UTRN: variants seen among roughly 807,000 people sequenced by gnomAD.
UTRN encodes the protein utrophin.
In UTRN, 283 loss-of-function variants were observed where a neutral mutation model predicts 463.9. The ratio of observed to expected loss-of-function variants is 0.61; its 90% CI spans 0.55 to 0.67. UTRN has a LOEUF of 0.67. Among genes scored for constraint, UTRN ranks in the 30% least tolerant of loss-of-function variants. The pLI is 0.00. For missense variants in UTRN, 3,922 were observed against 4,084.3 expected (o/e 0.96, Z 1.08); for synonymous variants, 1,442 against 1,431.5 (o/e 1.01, Z -0.17).
intron 35 of UTRN, among the ~76,000 whole-genome samples, chr6:144,512,674 G>T (rs576871786): frequency 6.6e-6 from 1 of 151,696 alleles, no homozygotes; most frequent in Non-Finnish European, 1.5e-5. Flanking sequence ...GAGAGTAGCT[G>T]GGACTACAGG....
At chr6:144,578,938 T>TA (rs1271631050) in intron 51 of UTRN, among the ~76,000 whole-genome samples, 2 of 152,244 alleles carry the variant, frequency 1.3e-5, no homozygotes, top group African/African-American at 4.8e-5. Flanking sequence ...CTCTGATTCT[T>TA]ACAATTGTTC....
rs578141548 is a variant in UTRN at position 144,650,636 on chromosome 6, C to T, written c.7480-27770C>T. Among the ~76,000 whole-genome samples the T allele has an allele frequency of 5.9e-4, 90 of 152,272 alleles. 1 individual carries two copies. The South Asian group carries it at 0.017, about 29-fold the overall frequency. On this transcript the variant is annotated intron_variant, in intron 51 of 74. Coordinates refer to ENST00000367545, the MANE Select transcript of UTRN (RefSeq NM_007124.3). ...TAATAATTACTGGTCATAGGCCGGG[C>T]GCCGTGGCTCACGCCTGTAACCCTA... is the stretch of plus-strand genomic sequence containing the variant.
intron 54 of UTRN, among the ~76,000 whole-genome samples, chr6:144,746,934 G>A (rs1374627557): frequency 2.0e-5 from 3 of 152,142 alleles, no homozygotes; most frequent in Admixed American, 6.5e-5. Context: ...GTAGTTCTGC[G>A]GTTGCTAAAT....
At chr6:144,617,772 G>T (rs1806292341) in intron 51 of UTRN, among the ~76,000 whole-genome samples, 1 of 152,098 alleles carries the variant, frequency 6.6e-6, no homozygotes, top group Non-Finnish European at 1.5e-5. Context: ...GTTGAAGCAT[G>T]ATCACCTTGC....
chr6:144,803,862 A>T (rs1777914260), intron 65 of UTRN, among the ~76,000 whole-genome samples: 1 of 152,132 alleles, frequency 6.6e-6, no homozygotes, highest in Admixed American at 6.5e-5. Flanking sequence ...ATTTCAGTCA[A>T]TGAATATGGG....
chr6:144,533,038 T>C, intron 42 of UTRN, 47 bp from the exon 43 acceptor site: 1 of 1,078,526 alleles, frequency 9.3e-7, no homozygotes, highest in Non-Finnish European at 1.4e-6. Context: ...TGCATCAGAA[T>C]CATTTACTTA....
chr6:144,476,196 C>G lies in UTRN; in HGVS notation c.3336+1437C>G, dbSNP rs547340864. Among the ~76,000 whole-genome samples, 9 of 150,822 alleles carry G rather than the reference C, an allele frequency of 6.0e-5. No individual in the cohort carries two copies. The East Asian group carries it at 1.8e-3, about 31-fold the overall frequency. On this transcript the variant is annotated intron_variant, in intron 25 of 74. Transcript: ENST00000367545. Reference sequence around the variant, plus strand: ...CAGATGCTGCTGACCTCAAGCAATCCTCCTGCCTCAGCCTCCCAAAGCGTG... The same window carrying G: ...CAGATGCTGCTGACCTCAAGCAATCGTCCTGCCTCAGCCTCCCAAAGCGTG...
At chr6:144,725,946 C>T (rs6936636) in intron 53 of UTRN, among the ~76,000 whole-genome samples, 16,495 of 152,168 alleles carry the variant, frequency 0.11, 2,084 homozygotes, top group African/African-American at 0.3. Flanking sequence ...CCCAGGCTTG[C>T]CTCCTGTACT....
intron 14 of UTRN, among the ~76,000 whole-genome samples, chr6:144,445,545 T>G (rs981453618): frequency 2.0e-5 from 3 of 151,388 alleles, no homozygotes; most frequent in African/African-American, 7.3e-5. Context: ...AAATATAAAT[T>G]GTTAATGACT....
At chr6:144,498,694 G>A (rs1315848992) in intron 33 of UTRN, among the ~76,000 whole-genome samples, 1 of 149,072 alleles carries the variant, frequency 6.7e-6, no homozygotes, top group East Asian at 2.0e-4. Flanking sequence ...TTGCTCTGTT[G>A]CCCAGGCTGG....
intron 51 of UTRN, among the ~76,000 whole-genome samples, chr6:144,667,753 G>A (rs1193542736): frequency 6.6e-6 from 1 of 152,048 alleles, no homozygotes; most frequent in East Asian, 1.9e-4. Context: ...TTTTCACTGA[G>A]AATTTCTATT....
chr6:144,475,019 C>T (rs577375818), intron 25 of UTRN, among the ~76,000 whole-genome samples: 18 of 152,312 alleles, frequency 1.2e-4, no homozygotes, highest in Non-Finnish European at 2.1e-4. Flanking sequence ...CTTGCTTTAC[C>T]CCTAAGACAT....
chr6:144,788,550 G>A (rs1411585788), intron 61 of UTRN, among the ~76,000 whole-genome samples: 2 of 151,032 alleles, frequency 1.3e-5, no homozygotes, highest in African/African-American at 2.4e-5. Flanking sequence ...TTAACGTATA[G>A]GTTTAATTCA....
chr6:144,680,117 G>A (rs7742705), intron 52 of UTRN, among the ~76,000 whole-genome samples: 53,861 of 152,038 alleles, frequency 0.35, 11,275 homozygotes, highest in East Asian at 0.8. Context: ...TGAGCATCCA[G>A]CAAGTCATCT....
intron 12 of UTRN, 103 bp downstream of exon 12, chr6:144,438,998 A>G (rs1255602799): frequency 1.6e-6 from 2 of 1,268,466 alleles, no homozygotes; most frequent in Non-Finnish European, 1.1e-6. Context: ...AAGTTGGGAC[A>G]CTTCTTCAGG....
At chr6:144,429,233 G>A (rs1395990332) in intron 8 of UTRN, among the ~76,000 whole-genome samples, 1 of 152,168 alleles carries the variant, frequency 6.6e-6, no homozygotes, top group Non-Finnish European at 1.5e-5. Flanking sequence ...TGCATGTGAT[G>A]TAAAGACTTT....
At chr6:144,504,612 T>A (rs2128587044) in intron 34 of UTRN, among the ~76,000 whole-genome samples, 1 of 152,370 alleles carries the variant, frequency 6.6e-6, no homozygotes, top group East Asian at 1.9e-4. Flanking sequence ...TGAAGCCGAC[T>A]TGATCATGGT....
At chr6:144,686,707 T>C (rs948807686) in intron 52 of UTRN, among the ~76,000 whole-genome samples, 4 of 152,152 alleles carry the variant, frequency 2.6e-5, no homozygotes, top group African/African-American at 9.6e-5. Context: ...GATATAAGAA[T>C]AGCTACTACT....
At chr6:144,327,205 G>A (rs1776028745) in intron 2 of UTRN, among the ~76,000 whole-genome samples, 1 of 152,162 alleles carries the variant, frequency 6.6e-6, no homozygotes, top group African/African-American at 2.4e-5. Context: ...AGGGGAAATG[G>A]GAGGAGGAGA....
Sources: gnomAD v4.1 joint callset for allele counts (sites outside exome capture counted in the v4.1 genomes callset) on GRCh38, gnomAD v4.1.1 for gene constraint, MANE v1.5 for transcripts, NCBI Gene and HGNC (gene_info 2026-07-23, HGNC 2026-07-21) for gene names.